Variants in CACNA1C observed in about 807,000 individuals in gnomAD.
CACNA1C encodes the protein voltage-dependent L-type calcium channel subunit alpha-1C.
Under a neutral mutation model 229.0 loss-of-function variants are expected in CACNA1C, and 30 were observed. The ratio of observed to expected loss-of-function variants is 0.13; its 90% CI spans 0.10 to 0.18. The LOEUF is 0.18. CACNA1C is among the 10% of genes least tolerant of loss of function. CACNA1C has a pLI of 1.00. For synonymous variants in CACNA1C, 1,114 were observed against 1,132.5 expected, an observed-to-expected ratio of 0.98 and a Z score of 0.33; for missense variants, 1,658 against 2,845.0, an observed-to-expected ratio of 0.58 and a Z score of 9.49.
intron 1 of CACNA1C, among the ~76,000 whole-genome samples, chr12:2,079,512 C>G (rs1234778060): frequency 6.6e-6 from 1 of 152,110 alleles, no homozygotes; most frequent in East Asian, 1.9e-4. Context: ...GAAGAGCTCT[C>G]TCATGGCTCT....
In CACNA1C at chr12:2,595,856, G is replaced by A. The variant is rs1403772877; in HGVS notation, c.2664-18G>A. On this transcript the variant is annotated intron_variant, in intron 19 of 46. Transcript: ENST00000399655. This position sits in a 1 kb window ranked among gnomAD's most constrained non-coding sequence, Gnocchi z 4.1. Reference sequence around the variant, plus strand: ...TCTGCCTTGACTTGTCTCTCCTCCTGTCCCCTCTCCCGTACAGGTTTCGCC... The same window carrying A: ...TCTGCCTTGACTTGTCTCTCCTCCTATCCCCTCTCCCGTACAGGTTTCGCC... 2 of 1,610,612 alleles carry A rather than the reference G, an allele frequency of 1.2e-6. No homozygotes were observed. The highest frequency in any genetic ancestry group is 1.7e-6 in the Non-Finnish European group (2 of 1,178,326).
intron 3 of CACNA1C, chr12:2,217,465 A>G (rs2060265210): frequency 6.6e-6 from 1 of 152,276 alleles, no homozygotes; most frequent in Non-Finnish European, 1.5e-5. Context: ...TTTCAGATTA[A>G]TAAGAATCAT....
chr12:2,126,616 A>T (rs1281378289), intron 3 of CACNA1C, among the ~76,000 whole-genome samples: 1 of 152,218 alleles, frequency 6.6e-6, no homozygotes, highest in East Asian at 1.9e-4. Context: ...GGATGAGGCC[A>T]TCAAAGGGAT....
At chr12:2,464,558 A>G (rs2099537242) in intron 5 of CACNA1C, among the ~76,000 whole-genome samples, 1 of 152,238 alleles carries the variant, frequency 6.6e-6, no homozygotes, top group South Asian at 2.1e-4. Flanking sequence ...TCATCGTCCC[A>G]GACTTCCCTT....
chr12:2,150,376 A>G (rs141397983), intron 3 of CACNA1C, among the ~76,000 whole-genome samples: 19 of 152,308 alleles, frequency 1.2e-4, no homozygotes, highest in African/African-American at 2.2e-4. Flanking sequence ...CAGTCTCCCA[A>G]CATTCCCTGG....
intron 3 of CACNA1C, chr12:2,221,503 G>C (rs1265790002): frequency 6.6e-6 from 1 of 152,222 alleles, no homozygotes; most frequent in Non-Finnish European, 1.5e-5. Context: ...GGCCTCAAAG[G>C]ATGCCAGGCA....
At chr12:2,243,669 T>C (rs80295761) in intron 3 of CACNA1C, among the ~76,000 whole-genome samples, 8,626 of 152,294 alleles carry the variant, frequency 0.057, 318 homozygotes, top group African/African-American at 0.09. Flanking sequence ...AATGGGATAA[T>C]AGTAGCTACC....
Position 2,691,328 on chromosome 12 carries a change from A to T in CACNA1C, c.*129A>T. 9.9e-7 allele frequency: 1 copy of T among 1,013,452 alleles called. No homozygotes were observed. Among genetic ancestry groups the T allele is most frequent in the Non-Finnish European group, 1.3e-6 (1 of 761,766 alleles). The allele number at this position is 1,013,452 out of a possible 1,614,324, so 62.8% of individuals were successfully genotyped here. A position where few individuals can be genotyped will look rare whatever the true frequency, so the allele number is the denominator to read the frequency against. On this transcript the variant is annotated 3_prime_UTR_variant, in exon 47 of 47. Coordinates refer to ENST00000399655, the MANE Select transcript of CACNA1C (RefSeq NM_000719.7). The stretch of plus-strand genomic sequence containing the variant: ...AGCGTCTTCATTCATTTCTGTTGGG[A>T]CCAGACGCGGAGCCTGGGTGCGCGA...
At chr12:2,350,781 C>T (rs998457481) in intron 3 of CACNA1C, among the ~76,000 whole-genome samples, 3 of 152,216 alleles carry the variant, frequency 2.0e-5, no homozygotes, top group Non-Finnish European at 2.9e-5. Context: ...CTTTCGCAGG[C>T]ACCTCCCCAT....
chr12:2,571,651 G>C (rs959152838), intron 13 of CACNA1C, among the ~76,000 whole-genome samples: 9 of 152,200 alleles, frequency 5.9e-5, no homozygotes, highest in African/African-American at 1.9e-4. Flanking sequence ...AGAAGGAGTA[G>C]TAGTATTTTC....
At chr12:2,136,782 C>T (rs2093554588) in intron 3 of CACNA1C, among the ~76,000 whole-genome samples, 2 of 151,310 alleles carry the variant, frequency 1.3e-5, no homozygotes, top group African/African-American at 4.8e-5. Context: ...GCCATATTTT[C>T]CCAGGGATCA....
At chr12:2,461,555 A>C (rs2099502567) in intron 5 of CACNA1C, among the ~76,000 whole-genome samples, 1 of 151,878 alleles carries the variant, frequency 6.6e-6, no homozygotes, top group Non-Finnish European at 1.5e-5. Flanking sequence ...CTTTTTTCCA[A>C]ACCTCAGACT....
chr12:2,016,110 C>G (rs1193745293), intron 1 of CACNA1C, among the ~76,000 whole-genome samples: 3 of 152,140 alleles, frequency 2.0e-5, no homozygotes, highest in Non-Finnish European at 4.4e-5. Context: ...AAATAATTAC[C>G]TTTATTCAAA....
intron 1 of CACNA1C, among the ~76,000 whole-genome samples, chr12:2,110,628 A>T (rs1004176472): frequency 6.6e-6 from 1 of 152,164 alleles, no homozygotes; most frequent in African/African-American, 2.4e-5. Context: ...TGGATTCAAA[A>T]CATTGAGCCA....
chr12:2,191,957 C>T (rs1053486064), intron 3 of CACNA1C, among the ~76,000 whole-genome samples: 1 of 151,978 alleles, frequency 6.6e-6, no homozygotes, highest in African/African-American at 2.4e-5. Flanking sequence ...TACACGCACA[C>T]ATGTACTCAC....
chr12:2,655,856 T>G (rs2095392455), intron 34 of CACNA1C, among the ~76,000 whole-genome samples: 1 of 152,166 alleles, frequency 6.6e-6, no homozygotes, highest in Non-Finnish European at 1.5e-5. Flanking sequence ...CATGATCATC[T>G]CAATAGATGC....
At chr12:2,572,334 T>G (rs1293610300) in intron 13 of CACNA1C, among the ~76,000 whole-genome samples, 17 of 43,604 alleles carry the variant, frequency 3.9e-4, no homozygotes, top group African/African-American at 1.4e-3. Context: ...CTCCTCCTTC[T>G]CTTCTTCCTC....
intron 9 of CACNA1C, among the ~76,000 whole-genome samples, chr12:2,540,942 G>C (rs2154591123): frequency 6.6e-6 from 1 of 152,304 alleles, no homozygotes; most frequent in Middle Eastern, 3.4e-3. Context: ...AGATCAAGGT[G>C]CTGGCGGGCT....
chr12:2,137,491 CGGG>C (rs2093660703), intron 3 of CACNA1C, among the ~76,000 whole-genome samples: 1 of 150,924 alleles, frequency 6.6e-6, no homozygotes, highest in African/African-American at 2.4e-5. Flanking sequence ...GAGGCTGAGA[CGGG>C]AGGAGTGCTT....
Sources: allele counts gnomAD v4.1 joint callset (sites outside exome capture counted in the v4.1 genomes callset), GRCh38; gene constraint gnomAD v4.1.1; non-coding constraint Gnocchi (gnomAD v3.1); transcripts MANE v1.5; gene names NCBI Gene and HGNC (gene_info 2026-07-23, HGNC 2026-07-21).